The following ERGIC1 variants were observed in gnomAD, a reference collection of about 807,000 sequenced individuals.
ERGIC1 encodes the protein endoplasmic reticulum-Golgi intermediate compartment protein 1.
In ERGIC1, 19 loss-of-function variants were observed where a neutral mutation model predicts 38.3. The observed-to-expected ratio is 0.50, with a 90% CI of 0.35 to 0.73. The LOEUF (loss-of-function observed/expected upper bound fraction) is 0.73. Among genes scored for constraint, ERGIC1 ranks in the 30% least tolerant of loss-of-function variants. The pLI is 0.01. For synonymous variants in ERGIC1, 124 were observed against 157.6 expected (o/e 0.79, Z 1.60); for missense variants, 294 against 389.2 (o/e 0.76, Z 2.06).
At chr5:172,907,489 C>T (rs1763064373) in intron 3 of ERGIC1, among the ~76,000 whole-genome samples, 1 of 151,854 alleles carries the variant, frequency 6.6e-6, no homozygotes, top group Admixed American at 6.6e-5. Context: ...ACCCGGGAGG[C>T]GGAGGTTGCA....
chr5:172,902,095 G>A (rs547934174), intron 3 of ERGIC1, among the ~76,000 whole-genome samples: 234 of 152,318 alleles, frequency 1.5e-3, no homozygotes, highest in Middle Eastern at 6.8e-3. Flanking sequence ...CCCCTCTGTT[G>A]TACCCCACTT....
intron 3 of ERGIC1, among the ~76,000 whole-genome samples, chr5:172,903,476 T>C (rs1762937696): frequency 6.6e-6 from 1 of 152,160 alleles, no homozygotes; most frequent in African/African-American, 2.4e-5. Context: ...CTGGGCCCCC[T>C]GTCCCTGGGC....
intron 1 of ERGIC1, among the ~76,000 whole-genome samples, chr5:172,877,460 T>A (rs2017397): frequency 0.28 from 19,673 of 71,048 alleles, 1,695 homozygotes; most frequent in East Asian, 0.47. Context: ...ATATATATAT[T>A]TTTTTTTTTT....
intron 1 of ERGIC1, among the ~76,000 whole-genome samples, chr5:172,868,972 T>G (rs1761938962): frequency 6.6e-6 from 1 of 152,278 alleles, no homozygotes. Flanking sequence ...GGCGTGGCTC[T>G]GCACTCTGCG....
chr5:172,877,436 GTGTGTA>G (rs1272985661), intron 1 of ERGIC1, among the ~76,000 whole-genome samples: 2 of 122,492 alleles, frequency 1.6e-5, no homozygotes. Flanking sequence ...GTGTGTGTGT[GTGTGTA>G]TATATATATA....
intron 7 of ERGIC1, among the ~76,000 whole-genome samples, chr5:172,931,563 T>C (rs1763774822): frequency 6.6e-6 from 1 of 152,222 alleles, no homozygotes; most frequent in Non-Finnish European, 1.5e-5. Flanking sequence ...GTGCAGTTTT[T>C]CTGGTTGATA....
chr5:172,886,540 T>C (rs935519316), intron 1 of ERGIC1, among the ~76,000 whole-genome samples: 1 of 152,244 alleles, frequency 6.6e-6, no homozygotes, highest in Non-Finnish European at 1.5e-5. Context: ...TTTATCTCCT[T>C]GCCTAAGGGC....
At chr5:172,943,345 C>G (rs922767293) in intron 9 of ERGIC1, among the ~76,000 whole-genome samples, 6 of 151,880 alleles carry the variant, frequency 4.0e-5, no homozygotes, top group Non-Finnish European at 7.4e-5. Context: ...TCTCCTCCCC[C>G]ACCCCCAGCC....
At chr5:172,885,478 G>C (rs1200268908) in intron 1 of ERGIC1, among the ~76,000 whole-genome samples, 1 of 152,028 alleles carries the variant, frequency 6.6e-6, no homozygotes. Flanking sequence ...TCTGCTTGTC[G>C]GTCCCTGATG....
intron 1 of ERGIC1, among the ~76,000 whole-genome samples, chr5:172,876,999 T>C (rs1229565074): frequency 6.6e-6 from 1 of 152,210 alleles, no homozygotes; most frequent in Non-Finnish European, 1.5e-5. Context: ...ACTTGAGCTT[T>C]TTGGTGTCTC....
intron 9 of ERGIC1, among the ~76,000 whole-genome samples, chr5:172,939,341 T>C (rs191774797): frequency 6.6e-6 from 1 of 152,164 alleles, no homozygotes; most frequent in East Asian, 1.9e-4. Flanking sequence ...GCTCTAAGAA[T>C]AGAACCCTGT....
chr5:172,921,348 C>T (rs1054964334), intron 5 of ERGIC1, among the ~76,000 whole-genome samples: 1 of 152,232 alleles, frequency 6.6e-6, no homozygotes, highest in Non-Finnish European at 1.5e-5. Flanking sequence ...GTTTCTGCTC[C>T]ACTCCTGACC....
At chr5:172,929,194 C>T (rs1277014292) in intron 7 of ERGIC1, among the ~76,000 whole-genome samples, 1 of 151,604 alleles carries the variant, frequency 6.6e-6, no homozygotes, top group African/African-American at 2.4e-5. Context: ...CACACACATA[C>T]ATATATATGG....
chr5:172,894,122 G>T (rs1300329100), intron 2 of ERGIC1, among the ~76,000 whole-genome samples: 3 of 74,048 alleles, frequency 4.1e-5, no homozygotes, highest in South Asian at 4.4e-4. Context: ...GTCTTATGGT[G>T]CTGATGATAC....
chr5:172,932,736 A>G, intron 8 of ERGIC1, 200 bp downstream of exon 8: 2 of 597,500 alleles, frequency 3.3e-6, no homozygotes, highest in South Asian at 3.9e-5. Flanking sequence ...CTCAGAGTCA[A>G]GGAGAACAGA....
intron 1 of ERGIC1, among the ~76,000 whole-genome samples, chr5:172,862,812 A>G (rs1761751592): frequency 6.6e-6 from 1 of 152,224 alleles, no homozygotes; most frequent in Non-Finnish European, 1.5e-5. Context: ...GCTTGCATAG[A>G]TGAGTTTTAA....
At chr5:172,925,082 AC>A (rs1235201419) in intron 6 of ERGIC1, among the ~76,000 whole-genome samples, 8 of 152,054 alleles carry the variant, frequency 5.3e-5, no homozygotes, top group Non-Finnish European at 7.4e-5. Context: ...TACTAAAAAT[AC>A]AAAAATTAGC....
chr5:172,884,804 A>G (rs1581540019), intron 1 of ERGIC1, among the ~76,000 whole-genome samples: 1 of 152,236 alleles, frequency 6.6e-6, no homozygotes, highest in East Asian at 1.9e-4. Context: ...TAGGAAATGT[A>G]TGTATATATG....
At chr5:172,878,529 C>A (rs1000437690) in intron 1 of ERGIC1, among the ~76,000 whole-genome samples, 3 of 152,146 alleles carry the variant, frequency 2.0e-5, no homozygotes, top group African/African-American at 7.2e-5. Context: ...GCGCAGTAAG[C>A]CCTCGCAAGG....
Sources: gnomAD v4.1 joint callset for allele counts (sites outside exome capture counted in the v4.1 genomes callset) on GRCh38, gnomAD v4.1.1 for gene constraint, MANE v1.5 for transcripts, NCBI Gene and HGNC (gene_info 2026-07-23, HGNC 2026-07-21) for gene names.